Variants in COP1 observed in about 807,000 individuals in gnomAD.
The protein encoded by COP1 is COP1 E3 ubiquitin ligase, also known as E3 ubiquitin-protein ligase COP1.
A neutral mutation model predicts 101.3 loss-of-function variants in COP1; 24 were observed. The observed-to-expected ratio is 0.24, with a 90% CI of 0.17 to 0.33. The LOEUF (loss-of-function observed/expected upper bound fraction) is 0.33, where lower values mean the gene tolerates loss of function less well. Ranked by LOEUF, COP1 falls within the 10% of genes least tolerant of loss-of-function variation. The probability of loss-of-function intolerance (pLI) is 1.00; values close to 1 mark genes in which losing one functional copy is unlikely to be tolerated. For synonymous variants in COP1, 347 were observed against 341.9 expected, an observed-to-expected ratio of 1.01 and a Z score of -0.17; for missense variants, 663 against 906.2, an observed-to-expected ratio of 0.73 and a Z score of 3.45.
chr1:175,994,674 C>A (rs1448602656), intron 15 of COP1, among the ~76,000 whole-genome samples: 1 of 152,172 alleles, frequency 6.6e-6, no homozygotes, highest in Non-Finnish European at 1.5e-5. Context: ...GTAAAGAAAT[C>A]AATTCAACAA....
chr1:176,103,374 A>AT (rs1291583926), intron 9 of COP1, among the ~76,000 whole-genome samples: 1 of 152,194 alleles, frequency 6.6e-6, no homozygotes, highest in African/African-American at 2.4e-5. Context: ...ATTAAGCTCT[A>AT]TAAAACTCTA....
intron 2 of COP1, among the ~76,000 whole-genome samples, chr1:176,183,799 C>T (rs1298200141): frequency 6.6e-6 from 1 of 152,102 alleles, no homozygotes; most frequent in Admixed American, 6.5e-5. Context: ...CTGACACATG[C>T]TACAACACTG....
At chr1:176,038,516 G>C (rs2149141998) in intron 14 of COP1, among the ~76,000 whole-genome samples, 2 of 152,226 alleles carry the variant, frequency 1.3e-5, no homozygotes, top group Non-Finnish European at 2.9e-5. Context: ...AGACAACATG[G>C]TACAAGTAAA....
At position 176,163,795 on chromosome 1, in the gene COP1, T is replaced by C; in HGVS notation, c.642+20A>G. The C allele has an allele frequency of 7.2e-7, 1 of 1,398,292 alleles. No homozygotes were observed. The highest frequency in any genetic ancestry group is 1.3e-5 in the South Asian group (1 of 75,226). The allele number at this position is 1,398,292 out of a possible 1,614,324, so 86.6% of individuals were successfully genotyped here. ...ACAAAATGAAATTTATTAAAAATAG[T>C]AATAAGAGTTGAAACATACGGTGCT... On this transcript the variant is annotated intron_variant, in intron 4 of 19. Transcript: ENST00000367669.
rs116836240 is a variant in COP1, at chr1:176,119,091, C to T, written c.969-2410G>A. Reference sequence around the variant, plus strand: ...CAAATGTTCTTGTCATGAGTTTATTCTGATAAAATGTAACCATTACTTGCC... The same window carrying T: ...CAAATGTTCTTGTCATGAGTTTATTTTGATAAAATGTAACCATTACTTGCC... On this transcript the variant is annotated intron_variant, in intron 8 of 19. Coordinates refer to ENST00000367669, the MANE Select transcript of COP1 (RefSeq NM_022457.7). Among the ~76,000 whole-genome samples, 1,408 of 152,266 alleles carry T rather than the reference C, an allele frequency of 9.2e-3. 24 individuals carry two copies. Among genetic ancestry groups the T allele is most frequent in the African/African-American group, 0.032 (1,338 of 41,546 alleles).
At chr1:176,101,734 C>G (rs1237373215) in intron 9 of COP1, among the ~76,000 whole-genome samples, 1 of 152,150 alleles carries the variant, frequency 6.6e-6, no homozygotes, top group Non-Finnish European at 1.5e-5. Flanking sequence ...TTTCTAATAA[C>G]CCAGTTGTCT....
intron 15 of COP1, among the ~76,000 whole-genome samples, chr1:175,997,797 G>A (rs925280947): frequency 6.6e-6 from 1 of 152,080 alleles, no homozygotes; most frequent in Admixed American, 6.5e-5. Flanking sequence ...TTACACTGTT[G>A]GTGGGACTGT....
intron 8 of COP1, 41 bp from the exon 9 acceptor site, chr1:176,116,722 ATTATT>A (rs774817640): frequency 7.8e-6 from 11 of 1,401,694 alleles, no homozygotes; most frequent in Non-Finnish European, 1.1e-5. Context: ...CAGTATTTAC[ATTATT>A]TTAACAACAG....
At chr1:176,092,774 T>C (rs1681564203) in intron 9 of COP1, among the ~76,000 whole-genome samples, 1 of 152,198 alleles carries the variant, frequency 6.6e-6, no homozygotes, top group South Asian at 2.1e-4. Context: ...TTGATAAAAG[T>C]ACACTGGAAA....
Position 176,004,069 on chromosome 1 carries a change from C to G in COP1, c.1730-14590G>C, listed in dbSNP as rs1194827200. Among the ~76,000 whole-genome samples, 3 of 147,414 alleles carry G rather than the reference C, an allele frequency of 2.0e-5. No individual in the cohort carries two copies. In the East Asian group the frequency reaches 6.1e-4, roughly 30 times the overall value. On this transcript the variant is annotated intron_variant, in intron 15 of 19. Coordinates refer to ENST00000367669, the MANE Select transcript of COP1 (RefSeq NM_022457.7). ...TTCTCCTTGAAGAGGTCCTTCACAT[C>G]CCTTGTAAGTTGGATTCCTAGGTAT... is the stretch of plus-strand genomic sequence containing the variant.
At chr1:176,021,736 A>G (rs974629521) in intron 15 of COP1, among the ~76,000 whole-genome samples, 16 of 152,212 alleles carry the variant, frequency 1.1e-4, no homozygotes, top group Admixed American at 6.5e-5. Context: ...TTCTTTGAAT[A>G]TCCTCAGAGA....
chr1:176,156,027 G>A (rs1693399895), intron 5 of COP1, among the ~76,000 whole-genome samples: 1 of 151,906 alleles, frequency 6.6e-6, no homozygotes, highest in Non-Finnish European at 1.5e-5. Flanking sequence ...AGGGTCTGGT[G>A]GGTTTTTGTT....
chr1:175,985,225 T>C (rs1191850260), intron 18 of COP1, among the ~76,000 whole-genome samples: 1 of 152,214 alleles, frequency 6.6e-6, no homozygotes, highest in African/African-American at 2.4e-5. Context: ...AATTTCAATA[T>C]TTAGAGCTGC....
chr1:176,195,666 C>T (rs566214837), intron 1 of COP1, among the ~76,000 whole-genome samples: 1 of 151,998 alleles, frequency 6.6e-6, no homozygotes, highest in South Asian at 2.1e-4. Context: ...AGAATGATAC[C>T]CAGAAAATTC....
chr1:175,980,250 G>C (rs879843690), intron 18 of COP1, among the ~76,000 whole-genome samples: 16,233 of 151,636 alleles, frequency 0.11, 965 homozygotes, highest in Middle Eastern at 0.16. Flanking sequence ...GTCTTTTTTT[G>C]AGGAGTCTGG....
chr1:176,125,533 T>C lies in COP1; in HGVS notation c.969-8852A>G, dbSNP rs527964000. Among the ~76,000 whole-genome samples, 43 of 152,340 alleles carry C rather than the reference T, an allele frequency of 2.8e-4. 1 individual carries two copies. Among genetic ancestry groups the C allele is most frequent in the African/African-American group, 1.0e-3 (42 of 41,580 alleles). On this transcript the variant is annotated intron_variant, in intron 8 of 19. Coordinates refer to ENST00000367669, the MANE Select transcript of COP1 (RefSeq NM_022457.7). Reference sequence around the variant, plus strand: ...GCAACTTTGTCAAAAACGAGTTCACTGTAGGTGTGTGGATTTGTTTCGGGG... The same window carrying C: ...GCAACTTTGTCAAAAACGAGTTCACCGTAGGTGTGTGGATTTGTTTCGGGG...
chr1:176,186,249 A>G (rs1698425209), intron 1 of COP1, among the ~76,000 whole-genome samples: 1 of 152,174 alleles, frequency 6.6e-6, no homozygotes, highest in Non-Finnish European at 1.5e-5. Flanking sequence ...GGATCCTTCA[A>G]GTATGTCACT....
intron 9 of COP1, among the ~76,000 whole-genome samples, chr1:176,087,189 T>G (rs1024103047): frequency 1.5e-4 from 23 of 152,170 alleles, no homozygotes; most frequent in African/African-American, 5.3e-4. Context: ...ATTCAGGACA[T>G]AGGCATGGGC....
intron 5 of COP1, among the ~76,000 whole-genome samples, chr1:176,161,809 T>C (rs1694371204): frequency 6.6e-6 from 1 of 152,028 alleles, no homozygotes; most frequent in East Asian, 1.9e-4. Context: ...CAAACAGATA[T>C]AACATGGGAG....
Sources: gnomAD v4.1 joint callset for allele counts (sites outside exome capture counted in the v4.1 genomes callset) on GRCh38, gnomAD v4.1.1 for gene constraint, MANE v1.5 for transcripts, NCBI Gene and HGNC (gene_info 2026-07-23, HGNC 2026-07-21) for gene names.